Variants in STAM observed in about 807,000 individuals in gnomAD.
STAM encodes the protein signal transducing adaptor molecule, also known as signal transducing adapter molecule 1.
In STAM, 16 loss-of-function variants were observed where a neutral mutation model predicts 63.4. The ratio of observed to expected loss-of-function variants is 0.25; its 90% CI spans 0.17 to 0.38. The LOEUF is 0.38. Ranked by LOEUF, STAM falls within the 10% of genes least tolerant of loss-of-function variation. The pLI, the probability that STAM is intolerant of heterozygous loss-of-function variation, is 1.00. For synonymous variants in STAM, 238 were observed against 223.9 expected, an observed-to-expected ratio of 1.06 and a Z score of -0.56; for missense variants, 636 against 657.1, an observed-to-expected ratio of 0.97 and a Z score of 0.35.
intron 2 of STAM, among the ~76,000 whole-genome samples, chr10:17,660,951 T>G (rs1554822823): frequency 1.3e-5 from 2 of 152,206 alleles, no homozygotes; most frequent in East Asian, 3.8e-4. Flanking sequence ...TGGAATCTCA[T>G]TTTTTCCACT....
chr10:17,700,092 T>C, intron 8 of STAM, 99 bp from the exon 9 acceptor site: 1 of 937,296 alleles, frequency 1.1e-6, no homozygotes, highest in Non-Finnish European at 1.5e-6. Flanking sequence ...TTGCTGGGAG[T>C]ATAAGAAAAA....
chr10:17,668,557 A>G (rs1470817215), intron 2 of STAM, among the ~76,000 whole-genome samples: 1 of 152,204 alleles, frequency 6.6e-6, no homozygotes, highest in Non-Finnish European at 1.5e-5. Context: ...CGTATCTGTC[A>G]TTACAGTACC....
intron 12 of STAM, among the ~76,000 whole-genome samples, chr10:17,706,778 C>G (rs542037652): frequency 6.6e-6 from 1 of 152,122 alleles, no homozygotes; most frequent in South Asian, 2.1e-4. Flanking sequence ...TTTTGCAGGT[C>G]AGACATATCT....
chr10:17,708,899 C>T lies in STAM; in HGVS notation c.1333C>T (p.Pro445Ser). ...LSSLSQAVVP[P>S]SANPALPSQQ... is the part of the protein sequence containing the mutation. The stretch of plus-strand genomic sequence containing the variant: ...TTCTCTCAGCCAGGCAGTGGTCCCA[C>T]CATCCGCAAACCCAGCCCTTCCTAG... Residue 445 changes from proline to serine, a missense_variant, in exon 13 of 14, where the codon CCA (proline) becomes TCA (serine). Pro to Ser is a moderately conservative substitution (Grantham distance 74, BLOSUM62 -1). Around this residue, in one of 3 missense-constraint regions of STAM, gnomAD observed 532 missense variants for 536.9 expected, o/e 0.99. Transcript: ENST00000377524. 6.2e-7 allele frequency: 1 copy of T among 1,614,174 alleles called. No homozygotes were observed. The highest frequency in any genetic ancestry group is 8.5e-7 in the Non-Finnish European group (1 of 1,180,026).
At chr10:17,693,743 G>T (rs557147669) in intron 6 of STAM, among the ~76,000 whole-genome samples, 2 of 152,098 alleles carry the variant, frequency 1.3e-5, no homozygotes, top group Admixed American at 1.3e-4. Context: ...GATTATTTCT[G>T]ATTTTTTTTT....
chr10:17,700,097 G>GA, intron 8 of STAM, 94 bp from the exon 9 acceptor site: 1 of 1,068,000 alleles, frequency 9.4e-7, no homozygotes, highest in Non-Finnish European at 1.3e-6. Context: ...GGGAGTATAA[G>GA]AAAAATCCCC....
chr10:17,683,431 G>A (rs868969338), intron 2 of STAM, among the ~76,000 whole-genome samples: 8 of 152,036 alleles, frequency 5.3e-5, no homozygotes, highest in African/African-American at 1.7e-4. Flanking sequence ...CAAAATGCTG[G>A]AATTATAGGT....
At chr10:17,678,260 A>ATTTTTTTTTT (rs34286916) in intron 2 of STAM, among the ~76,000 whole-genome samples, 6,267 of 149,546 alleles carry the variant, frequency 0.042, 166 homozygotes, top group Middle Eastern at 0.11. Context: ...ATGTGGTGTA[A>ATTTTTTTTTT]TTTTTTTTTT....
At position 17,703,023 on chromosome 10, in the gene STAM, A is replaced by AAAAAG. The variant is rs1159607207; in HGVS notation, c.913-1383_913-1379dup. 1.6e-3 allele frequency among the ~76,000 whole-genome samples: 180 copies of AAAAAG among 114,230 alleles called. 1 individual carries two copies. Among genetic ancestry groups the AAAAAG allele is most frequent in the African/African-American group, 4.6e-3 (146 of 31,826 alleles). 74.9% of individuals were successfully genotyped at this position (114,230 alleles called of 152,430 possible). On this transcript the variant is annotated intron_variant, in intron 9 of 13. Coordinates refer to ENST00000377524, the MANE Select transcript of STAM (RefSeq NM_003473.4). ...GACTCCATCTCAAAAAAAAAAAAAA[A>AAAAAG]AAAAGAAAAGAAAAGAAAAGAAAAG...
At chr10:17,679,222 ATTTGG>A (rs1213344192) in intron 2 of STAM, among the ~76,000 whole-genome samples, 2 of 151,992 alleles carry the variant, frequency 1.3e-5, no homozygotes, top group Non-Finnish European at 2.9e-5. Flanking sequence ...CCCCTCCAAT[ATTTGG>A]TATCTTTCCT....
chr10:17,669,614 C>T (rs922259854), intron 2 of STAM, among the ~76,000 whole-genome samples: 2 of 151,292 alleles, frequency 1.3e-5, no homozygotes, highest in Non-Finnish European at 2.9e-5. Flanking sequence ...TGTAATGTTT[C>T]GTCTGAGGTA....
intron 12 of STAM, 77 bp from the exon 13 acceptor site, chr10:17,708,694 TAACTG>T: frequency 7.5e-7 from 1 of 1,330,110 alleles, no homozygotes; most frequent in East Asian, 2.5e-5. Flanking sequence ...CTTGTTTTTG[TAACTG>T]AATACCTCTA....
intron 1 of STAM, among the ~76,000 whole-genome samples, chr10:17,660,244 T>C (rs1473511438): frequency 1.3e-5 from 2 of 152,316 alleles, no homozygotes; most frequent in South Asian, 2.1e-4. Flanking sequence ...TATTTTATAC[T>C]AAGTAAAGAG....
chr10:17,702,827 G>T (rs376993493), intron 9 of STAM, among the ~76,000 whole-genome samples: 1 of 152,078 alleles, frequency 6.6e-6, no homozygotes, highest in African/African-American at 2.4e-5. Context: ...GGCCAACATG[G>T]TGAAACCCCG....
intron 1 of STAM, among the ~76,000 whole-genome samples, chr10:17,647,632 C>G (rs1170613896): frequency 6.6e-6 from 1 of 151,972 alleles, no homozygotes; most frequent in Non-Finnish European, 1.5e-5. Context: ...GGCCTAGTTG[C>G]TTAGATAATC....
At chr10:17,650,588 T>TAG (rs1466524924) in intron 1 of STAM, among the ~76,000 whole-genome samples, 4 of 152,320 alleles carry the variant, frequency 2.6e-5, no homozygotes, top group African/African-American at 9.6e-5. Flanking sequence ...GTCTACCCTG[T>TAG]GCCAGATACC....
At chr10:17,701,724 C>G (rs997583309) in intron 9 of STAM, among the ~76,000 whole-genome samples, 1 of 152,016 alleles carries the variant, frequency 6.6e-6, no homozygotes, top group Non-Finnish European at 1.5e-5. Context: ...TCGTTTTTAC[C>G]CCCCTCCTCT....
chr10:17,675,922 C>T (rs868917711), intron 2 of STAM, among the ~76,000 whole-genome samples: 1 of 151,954 alleles, frequency 6.6e-6, no homozygotes, highest in African/African-American at 2.4e-5. Context: ...AAATAGCACT[C>T]CATGTGGTGG....
chr10:17,705,822 A>T, intron 12 of STAM, 81 bp downstream of exon 12: 3 of 1,385,932 alleles, frequency 2.2e-6, no homozygotes, highest in Non-Finnish European at 2.9e-6. Context: ...AATCTCAGCA[A>T]TTTGGGAGGC....
Sources: gnomAD v4.1 joint callset for allele counts (sites outside exome capture counted in the v4.1 genomes callset) on GRCh38, gnomAD v4.1.1 for gene constraint, gnomAD v4.1.1 regional missense constraint, MANE v1.5 for transcripts, NCBI Gene and HGNC (gene_info 2026-07-23, HGNC 2026-07-21) for gene names.